The following RDX variants were observed in gnomAD, a reference collection of about 807,000 sequenced individuals.
RDX encodes the protein deafness, autosomal recessive 24.
In RDX, 32 loss-of-function variants were observed where a neutral mutation model predicts 83.7. The ratio of observed to expected loss-of-function variants is 0.38; its 90% confidence interval spans 0.29 to 0.51. The LOEUF is 0.51. RDX is among the 20% of genes least tolerant of loss of function. The pLI is 0.87. For synonymous variants in RDX, 229 were observed against 222.7 expected (o/e 1.03, Z -0.25); for missense variants, 600 against 689.9 (o/e 0.87, Z 1.46).
At chr11:110,215,037 A>G (rs1186645681) in intron 14 of RDX, among the ~76,000 whole-genome samples, 2 of 96,314 alleles carry the variant, frequency 2.1e-5, no homozygotes, top group Non-Finnish European at 3.8e-5. Context: ...GAGACCTAAC[A>G]AAAAAAAAAA....
intron 1 of RDX, among the ~76,000 whole-genome samples, chr11:110,291,904 G>A (rs1861258662): frequency 6.6e-6 from 1 of 152,134 alleles, no homozygotes. Context: ...GGCCGAGGCA[G>A]AAAGTCCAAG....
intron 14 of RDX, among the ~76,000 whole-genome samples, chr11:110,210,798 T>C (rs1200783906): frequency 1.3e-5 from 2 of 151,980 alleles, no homozygotes; most frequent in Non-Finnish European, 1.5e-5. Flanking sequence ...CTGAGAGATT[T>C]TGTCACCACC....
rs140773148 is a variant in RDX, at chr11:110,192,827, T to C, written c.*31+6754A>G. Among the ~76,000 whole-genome samples, 48 of 149,906 alleles carry C rather than the reference T, an allele frequency of 3.2e-4. No individual in the cohort carries two copies. In the East Asian group the frequency reaches 9.5e-3, roughly 30 times the overall value. On this transcript the variant is annotated intron_variant, in intron 15 of 15. Coordinates refer to the RDX transcript ENST00000528498. ...ACCACAATGAGATACCATCTCACAG[T>C]AGGCTGAGTGGTTAGTATTGAAAAG...
rs551505568 is a variant in RDX, at chr11:110,231,583, A to C, written c.*286T>G. 10 of 431,142 alleles carry C rather than the reference A, an allele frequency of 2.3e-5. No individual in the cohort carries two copies. The highest frequency in any genetic ancestry group is 1.8e-4 in the African/African-American group (9 of 50,388). 26.7% of individuals were successfully genotyped at this position (431,142 alleles called of 1,614,324 possible). A position where few individuals can be genotyped will look rare whatever the true frequency, so the allele number is the denominator to read the frequency against. On this transcript the variant is annotated 3_prime_UTR_variant, in exon 14 of 14. Coordinates refer to ENST00000645495, the MANE Select transcript of RDX (RefSeq NM_002906.4). ...TACACATTTGTCAGACGTGATAATT[A>C]GTGTTAATCTTCAACAGAAAAAAAA...
chr11:110,186,642 C>T (rs1347205394), intron 15 of RDX, among the ~76,000 whole-genome samples: 2 of 151,986 alleles, frequency 1.3e-5, no homozygotes, highest in Non-Finnish European at 2.9e-5. Flanking sequence ...AGTGACGCCC[C>T]AGAAACTAGG....
chr11:110,279,802 T>C (rs1591181013), intron 1 of RDX, 46 bp from the exon 2 acceptor site: 1 of 682,522 alleles, frequency 1.5e-6, no homozygotes, highest in East Asian at 2.8e-5. Context: ...TTATATAAGG[T>C]TTCTATTTTA....
downstream of RDX, among the ~76,000 whole-genome samples, chr11:110,229,168 T>C (rs928915887): frequency 6.6e-6 from 1 of 151,934 alleles, no homozygotes; most frequent in Non-Finnish European, 1.5e-5. Context: ...AAAAAGAAAC[T>C]AACCACTATA....
intron 1 of RDX, among the ~76,000 whole-genome samples, chr11:110,283,687 C>G (rs1299770378): frequency 1.3e-5 from 2 of 151,826 alleles, no homozygotes; most frequent in African/African-American, 4.8e-5. Context: ...TAGCAAGACC[C>G]CGTCTCTATG....
rs1864616285 is a variant in RDX, at chr11:110,231,092, T to C, written c.*777A>G. ...AGGCTGTTTCATCAGTAAACTCTCCTAGGGAGCTACTACTGCTGTCTAAAC... is the reference window on the plus strand; with the variant it reads ...AGGCTGTTTCATCAGTAAACTCTCCCAGGGAGCTACTACTGCTGTCTAAAC... On this transcript the variant is annotated 3_prime_UTR_variant, in exon 14 of 14. Coordinates refer to ENST00000645495, the MANE Select transcript of RDX (RefSeq NM_002906.4). 1 of 152,554 alleles carries C rather than the reference T, an allele frequency of 6.6e-6. No individual in the cohort carries two copies. The highest frequency in any genetic ancestry group is 6.5e-5 in the Admixed American group (1 of 15,272). 9.5% of individuals were successfully genotyped at this position (152,554 alleles called of 1,614,324 possible).
At chr11:110,285,712 C>CAAAAAA in intron 1 of RDX, among the ~76,000 whole-genome samples, 1 of 78,370 alleles carries the variant, frequency 1.3e-5, no homozygotes, top group Non-Finnish European at 2.3e-5. Context: ...GACTTTGTCT[C>CAAAAAA]AAAAAAAAAA....
At chr11:110,182,042 C>A (rs1862897765) in intron 15 of RDX, among the ~76,000 whole-genome samples, 2 of 152,170 alleles carry the variant, frequency 1.3e-5, no homozygotes, top group Admixed American at 6.5e-5. Flanking sequence ...GCTCCAGGGC[C>A]AGCACAAGAG....
chr11:110,238,282 G>C (rs1396720242), intron 10 of RDX, among the ~76,000 whole-genome samples: 4 of 152,198 alleles, frequency 2.6e-5, no homozygotes, highest in Non-Finnish European at 5.9e-5. Context: ...GCAATATTGG[G>C]AGATAAATAA....
intron 11 of RDX, among the ~76,000 whole-genome samples, chr11:110,236,886 C>T (rs969140673): frequency 6.6e-6 from 1 of 152,096 alleles, no homozygotes; most frequent in South Asian, 2.1e-4. Flanking sequence ...TCCCAAAATG[C>T]TGGGATTACA....
At chr11:110,277,046 T>C (rs1290378648) in intron 2 of RDX, among the ~76,000 whole-genome samples, 2 of 152,248 alleles carry the variant, frequency 1.3e-5, no homozygotes, top group Non-Finnish European at 2.9e-5. Context: ...AACTTCCACA[T>C]TCTGAAACTT....
At chr11:110,177,336 A>C (rs1208239039) in intron 15 of RDX, among the ~76,000 whole-genome samples, 2 of 152,224 alleles carry the variant, frequency 1.3e-5, no homozygotes, top group Non-Finnish European at 2.9e-5. Context: ...AACTTTGAGC[A>C]GGTCCTTAAT....
intron 15 of RDX, among the ~76,000 whole-genome samples, chr11:110,184,126 A>G (rs987890581): frequency 6.6e-6 from 1 of 152,206 alleles, no homozygotes; most frequent in Non-Finnish European, 1.5e-5. Flanking sequence ...GTGAGAGCCC[A>G]AGGGCAGAGG....
intron 7 of RDX, among the ~76,000 whole-genome samples, chr11:110,256,356 C>T (rs1470352781): frequency 2.0e-5 from 3 of 152,024 alleles, no homozygotes; most frequent in African/African-American, 7.2e-5. Flanking sequence ...TCTAATGGCC[C>T]CTGATATAAG....
chr11:110,293,046 G>A (rs1861307967), intron 1 of RDX, among the ~76,000 whole-genome samples: 1 of 152,138 alleles, frequency 6.6e-6, no homozygotes, highest in Admixed American at 6.5e-5. Context: ...TTAGCGTAGG[G>A]AATTCTATTG....
chr11:110,182,883 A>C (rs1862915359), intron 15 of RDX, among the ~76,000 whole-genome samples: 1 of 152,206 alleles, frequency 6.6e-6, no homozygotes, highest in Non-Finnish European at 1.5e-5. Context: ...GGGGAGGAAC[A>C]AAATAAAATA....
Sources: allele counts gnomAD v4.1 joint callset (sites outside exome capture counted in the v4.1 genomes callset), GRCh38; gene constraint gnomAD v4.1.1; transcripts MANE v1.5; gene names NCBI Gene and HGNC (gene_info 2026-07-23, HGNC 2026-07-21).